The following NAALADL2 variants were observed in gnomAD, a reference collection of about 807,000 sequenced individuals.
NAALADL2 encodes the protein N-acetylated alpha-linked acidic dipeptidase like 2.
A neutral mutation model predicts 87.2 loss-of-function variants in NAALADL2; 76 were observed. That is an observed-to-expected ratio of 0.87 (90% CI 0.72 to 1.05). The LOEUF (loss-of-function observed/expected upper bound fraction) is 1.05. NAALADL2 is among the 50% of genes least tolerant of loss of function. The probability of loss-of-function intolerance (pLI) is 0.00; values close to 1 mark genes in which losing one functional copy is unlikely to be tolerated. For missense variants in NAALADL2, 1,089 were observed against 945.8 expected (o/e 1.15, Z -1.99); for synonymous variants, 354 against 331.0 (o/e 1.07, Z -0.75).
chr3:174,513,269 A>G (rs1289329817), intron 1 of NAALADL2, among the ~76,000 whole-genome samples: 1 of 152,182 alleles, frequency 6.6e-6, no homozygotes, highest in Non-Finnish European at 1.5e-5. Flanking sequence ...CACCACACCC[A>G]GCCATAAGCT....
At chr3:175,184,258 G>C (rs937765554) in intron 2 of NAALADL2, among the ~76,000 whole-genome samples, 7 of 152,050 alleles carry the variant, frequency 4.6e-5, no homozygotes, top group African/African-American at 1.7e-4. Flanking sequence ...TTCTCCTTTA[G>C]AGCCTCAGAA....
intron 13 of NAALADL2, among the ~76,000 whole-genome samples, chr3:175,759,662 G>C (rs1674230173): frequency 6.6e-6 from 1 of 152,118 alleles, no homozygotes; most frequent in Admixed American, 6.6e-5. Flanking sequence ...AGCCACAAAA[G>C]ACTTTATAGG....
At chr3:174,593,394 C>T (rs941716691) in intron 2 of NAALADL2, among the ~76,000 whole-genome samples, 2 of 152,092 alleles carry the variant, frequency 1.3e-5, no homozygotes, top group African/African-American at 4.8e-5. Context: ...GAGGAAGGCA[C>T]TGCTATTCAT....
chr3:174,495,872 G>T (rs1718503246), intron 1 of NAALADL2, among the ~76,000 whole-genome samples: 1 of 152,180 alleles, frequency 6.6e-6, no homozygotes, highest in African/African-American at 2.4e-5. Flanking sequence ...GACAGGATTA[G>T]ATCAGTAGTT....
chr3:175,732,868 C>CATGGGA (rs1220933707), intron 11 of NAALADL2, among the ~76,000 whole-genome samples: 1 of 135,362 alleles, frequency 7.4e-6, no homozygotes, highest in Non-Finnish European at 1.5e-5. Flanking sequence ...AACACATGTA[C>CATGGGA]ATGGGAGGGG....
intron 2 of NAALADL2, among the ~76,000 whole-genome samples, chr3:174,611,150 C>G (rs950519412): frequency 5.0e-5 from 6 of 119,296 alleles, no homozygotes; most frequent in African/African-American, 2.0e-4. Flanking sequence ...GAACATCATA[C>G]TCTGGGGACT....
At chr3:174,942,870 T>A (rs1738827321) in intron 1 of NAALADL2, among the ~76,000 whole-genome samples, 1 of 152,248 alleles carries the variant, frequency 6.6e-6, no homozygotes, top group Admixed American at 6.5e-5. Flanking sequence ...TATTTTGTCA[T>A]TAAGCTTTAT....
chr3:174,844,143 G>A (rs984698989), intron 3 of NAALADL2, among the ~76,000 whole-genome samples: 2 of 152,092 alleles, frequency 1.3e-5, no homozygotes. Context: ...TAGTTTCATA[G>A]TTTCAGGTCT....
chr3:174,544,834 G>A (rs1722589311), intron 1 of NAALADL2, among the ~76,000 whole-genome samples: 1 of 151,906 alleles, frequency 6.6e-6, no homozygotes, highest in South Asian at 2.1e-4. Context: ...CTCCGAAAGT[G>A]CTGGGATTAC....
intron 13 of NAALADL2, 141 bp from the exon 14 acceptor site, chr3:175,802,864 G>T (rs1754351554): frequency 1.7e-6 from 1 of 592,354 alleles, no homozygotes; most frequent in Admixed American, 3.2e-5. Flanking sequence ...TTCATTAGGA[G>T]TTGAAAAATC....
At chr3:175,315,683 A>G (rs1759051634) in intron 4 of NAALADL2, among the ~76,000 whole-genome samples, 3 of 152,192 alleles carry the variant, frequency 2.0e-5, no homozygotes, top group African/African-American at 7.2e-5. Flanking sequence ...TAAAATTAGC[A>G]TTTTCTAGTA....
At chr3:174,830,040 T>C (rs377656279) in intron 3 of NAALADL2, among the ~76,000 whole-genome samples, 6,236 of 110,554 alleles carry the variant, frequency 0.056, 39 homozygotes, top group Middle Eastern at 0.11. Flanking sequence ...GAGTAGGTTG[T>C]GAAAATTTTC....
chr3:174,450,601 G>A (rs1314870722), intron 1 of NAALADL2, among the ~76,000 whole-genome samples: 1 of 152,144 alleles, frequency 6.6e-6, no homozygotes, highest in African/African-American at 2.4e-5. Context: ...GCTGGGCGCG[G>A]TGGCTATTGC....
chr3:175,342,989 G>A (rs558906065), intron 5 of NAALADL2, among the ~76,000 whole-genome samples: 19 of 152,162 alleles, frequency 1.2e-4, no homozygotes, highest in African/African-American at 4.3e-4. Flanking sequence ...TTGAACAATA[G>A]TTTTAAAAGT....
intron 5 of NAALADL2, among the ~76,000 whole-genome samples, chr3:175,420,175 A>G (rs1365864648): frequency 6.6e-6 from 1 of 152,024 alleles, no homozygotes; most frequent in Non-Finnish European, 1.5e-5. Context: ...TACTTTCATG[A>G]AAAAAGAGAG....
intron 3 of NAALADL2, among the ~76,000 whole-genome samples, chr3:174,783,123 A>C (rs890958967): frequency 6.6e-6 from 1 of 152,202 alleles, no homozygotes; most frequent in African/African-American, 2.4e-5. Flanking sequence ...ATTGGAGATA[A>C]CATTTCATTT....
At chr3:174,932,825 G>C (rs1737119794) in intron 1 of NAALADL2, among the ~76,000 whole-genome samples, 1 of 152,130 alleles carries the variant, frequency 6.6e-6, no homozygotes, top group African/African-American at 2.4e-5. Context: ...TGCTTAAAAA[G>C]TTGTAATAGA....
At chr3:174,751,642 G>A (rs1734830043) in intron 3 of NAALADL2, among the ~76,000 whole-genome samples, 1 of 137,676 alleles carries the variant, frequency 7.3e-6, no homozygotes, top group Admixed American at 7.6e-5. Context: ...CAGCCTTGCT[G>A]ACAGAGCGAG....
intron 1 of NAALADL2, among the ~76,000 whole-genome samples, chr3:174,543,906 G>A (rs1722489248): frequency 3.9e-5 from 6 of 151,930 alleles, no homozygotes; most frequent in Admixed American, 3.9e-4. Flanking sequence ...TACCTGGTTG[G>A]CTGAGACATG....
Sources: allele counts gnomAD v4.1 joint callset (sites outside exome capture counted in the v4.1 genomes callset), GRCh38; gene constraint gnomAD v4.1.1; transcripts MANE v1.5; gene names NCBI Gene and HGNC (gene_info 2026-07-23, HGNC 2026-07-21).